TEX11: variants seen among roughly 807,000 people sequenced by gnomAD.
The protein encoded by TEX11 is testis expressed 11.
A neutral mutation model predicts 84.4 loss-of-function variants in TEX11; 7 were observed. The observed-to-expected ratio is 0.08, with a 90% CI of 0.05 to 0.16. The LOEUF (loss-of-function observed/expected upper bound fraction) is 0.16, where lower values mean the gene tolerates loss of function less well. Ranked by LOEUF, TEX11 falls within the 10% of genes least tolerant of loss-of-function variation. The probability of loss-of-function intolerance (pLI) is 1.00; values close to 1 mark genes in which losing one functional copy is unlikely to be tolerated. For missense variants in TEX11, 551 were observed against 660.5 expected (o/e 0.83, Z 1.82); for synonymous variants, 264 against 222.8 (o/e 1.18, Z -1.64).
Position 70,529,913 on chromosome X carries a change from T to C in TEX11, c.2607A>G (p.Ala869=). ...GVLMFSRSKY[A]SAEKWCGLAL... is the part of the protein sequence containing the mutation. ...CCAGGCCACACCACTTTTCAGCAGA[T>C]GCATACTTGCTCCTGCTAAACATAA... The change falls in exon 29 of 30, where the codon GCA becomes GCG. Residue 869 remains alanine, a synonymous_variant. Coordinates refer to ENST00000374333, the MANE Select transcript of TEX11 (RefSeq NM_031276.3). The C allele has an allele frequency of 8.3e-7, 1 of 1,210,846 alleles. No homozygotes were observed. Among genetic ancestry groups the C allele is most frequent in the South Asian group, 1.8e-5 (1 of 56,939 alleles).
intron 17 of TEX11, among the ~76,000 whole-genome samples, chrX:70,650,355 A>G (rs368538635): frequency 8.9e-6 from 1 of 112,046 alleles, no homozygotes; most frequent in East Asian, 2.8e-4. Flanking sequence ...AAAAGGGTTG[A>G]TCTGATGTTG....
At chrX:70,558,624 A>C (rs2088320913) in intron 25 of TEX11, among the ~76,000 whole-genome samples, 1 of 112,099 alleles carries the variant, frequency 8.9e-6, no homozygotes, top group Non-Finnish European at 1.9e-5. Context: ...ATCAAGAAAG[A>C]GAAAAGACAA....
At chrX:70,667,849 C>T (rs949389209) in intron 16 of TEX11, among the ~76,000 whole-genome samples, 45 of 110,597 alleles carry the variant, frequency 4.1e-4, no homozygotes, top group African/African-American at 1.4e-3. Context: ...ATTGCTTGAG[C>T]TCAGGAGGCG....
chrX:70,712,730 C>T (rs1327264219), intron 13 of TEX11, among the ~76,000 whole-genome samples: 1 of 110,918 alleles, frequency 9.0e-6, no homozygotes, highest in African/African-American at 3.3e-5. Flanking sequence ...ATCATGTCAT[C>T]TGCAAACAGG....
At chrX:70,594,240 G>A (rs1176985670) in intron 24 of TEX11, among the ~76,000 whole-genome samples, 1 of 111,259 alleles carries the variant, frequency 9.0e-6, no homozygotes, top group Non-Finnish European at 1.9e-5. Flanking sequence ...AAAAATAAAA[G>A]TCTACTAATA....
intron 15 of TEX11, among the ~76,000 whole-genome samples, chrX:70,678,394 T>C (rs1230518022): frequency 9.0e-6 from 1 of 110,908 alleles, no homozygotes; most frequent in Non-Finnish European, 1.9e-5. Context: ...ACCAAAATTA[T>C]AAATGATTGT....
At chrX:70,829,492 A>AC (rs1482314749) in intron 8 of TEX11, among the ~76,000 whole-genome samples, 1 of 47,361 alleles carries the variant, frequency 2.1e-5, no homozygotes, top group African/African-American at 4.5e-5. Flanking sequence ...AAAAAAAAAA[A>AC]AAAAAAAAAA....
the TEX11 span, among the ~76,000 whole-genome samples, chrX:70,520,107 G>A: frequency 0.095 from 10,601 of 111,656 alleles, 478 homozygotes; most frequent in Middle Eastern, 0.17. Flanking sequence ...ACCTTCCGAA[G>A]CCTAGTTCTG....
chrX:70,512,275 G>C, the TEX11 span, among the ~76,000 whole-genome samples: 2 of 107,890 alleles, frequency 1.9e-5, no homozygotes, highest in Non-Finnish European at 3.8e-5. Flanking sequence ...CTGGAGTGCA[G>C]TGTCGCGATC....
At chrX:70,720,299 C>T (rs1316635261) in intron 13 of TEX11, among the ~76,000 whole-genome samples, 4 of 110,817 alleles carry the variant, frequency 3.6e-5, no homozygotes, top group South Asian at 7.7e-4. Flanking sequence ...TGTTCTCACT[C>T]ATAGGTGGGA....
At chrX:70,531,082 C>T (rs1301943092) in intron 28 of TEX11, among the ~76,000 whole-genome samples, 1 of 110,956 alleles carries the variant, frequency 9.0e-6, no homozygotes, top group Non-Finnish European at 1.9e-5. Context: ...GTGAGCTTTC[C>T]ATTCCTCTAA....
chrX:70,841,665 C>G (rs1156641156), intron 7 of TEX11, among the ~76,000 whole-genome samples: 14 of 111,712 alleles, frequency 1.3e-4, no homozygotes, highest in African/African-American at 3.2e-4. Flanking sequence ...ACACAAAAAA[C>G]CCTTCAAAAA....
At chrX:70,657,276 AG>A (rs2089876789) in intron 16 of TEX11, among the ~76,000 whole-genome samples, 1 of 111,508 alleles carries the variant, frequency 9.0e-6, no homozygotes, top group African/African-American at 3.3e-5. Flanking sequence ...TCAGAATAAA[AG>A]CTGCCTTATT....
chrX:70,851,666 T>TAC (rs55903537), intron 7 of TEX11, among the ~76,000 whole-genome samples: 22,019 of 91,552 alleles, frequency 0.24, 2,315 homozygotes, highest in East Asian at 0.51. Flanking sequence ...ATTAAAAACA[T>TAC]ACACACACAC....
chrX:70,836,771 C>G (rs1385981680), intron 7 of TEX11, among the ~76,000 whole-genome samples: 2 of 112,146 alleles, frequency 1.8e-5, no homozygotes, highest in African/African-American at 6.5e-5. Context: ...AATCCCAGTA[C>G]TTTGGGAGGC....
At chrX:70,646,250 C>A (rs1317203023) in intron 17 of TEX11, among the ~76,000 whole-genome samples, 6 of 111,780 alleles carry the variant, frequency 5.4e-5, no homozygotes, top group African/African-American at 1.9e-4. Flanking sequence ...CCTTTTCTCA[C>A]AATATATAAA....
At chrX:70,521,372 A>G in the TEX11 span, among the ~76,000 whole-genome samples, 159 of 109,442 alleles carry the variant, frequency 1.5e-3, 1 homozygote, top group Admixed American at 0.014. Context: ...TCCGTATCCC[A>G]TGTTCACACG....
intron 15 of TEX11, among the ~76,000 whole-genome samples, chrX:70,676,084 T>C (rs1424444363): frequency 8.9e-6 from 1 of 111,959 alleles, no homozygotes; most frequent in African/African-American, 3.2e-5. Flanking sequence ...CCTTGCTTTT[T>C]AAGGCTAAGT....
intron 13 of TEX11, among the ~76,000 whole-genome samples, chrX:70,721,774 G>C (rs1051794642): frequency 1.8e-5 from 2 of 112,004 alleles, no homozygotes; most frequent in Non-Finnish European, 3.8e-5. Flanking sequence ...AGTTGTGACA[G>C]AGACTGTGTG....
Sources: allele counts gnomAD v4.1 joint callset (sites outside exome capture counted in the v4.1 genomes callset), GRCh38; gene constraint gnomAD v4.1.1; transcripts MANE v1.5; gene names NCBI Gene and HGNC (gene_info 2026-07-23, HGNC 2026-07-21).